The following EIF3K variants were observed in gnomAD, a reference collection of about 807,000 sequenced individuals.
The protein encoded by EIF3K is eIF-3 p28.
In EIF3K, 27 loss-of-function variants were observed where a neutral mutation model predicts 34.2. That is an observed-to-expected ratio of 0.79 (90% confidence interval 0.58 to 1.09). EIF3K has a LOEUF of 1.09. Among genes scored for constraint, EIF3K ranks in the 50% least tolerant of loss-of-function variants. The probability of loss-of-function intolerance (pLI) is 0.00; values close to 1 mark genes in which losing one functional copy is unlikely to be tolerated. For missense variants in EIF3K, 232 were observed against 275.4 expected (o/e 0.84, Z 1.11); for synonymous variants, 105 against 105.7 (o/e 0.99, Z 0.04).
At chr19:38,625,322 C>T (rs879539958) in intron 3 of EIF3K, among the ~76,000 whole-genome samples, 5 of 151,754 alleles carry the variant, frequency 3.3e-5, no homozygotes, top group Non-Finnish European at 5.9e-5. Flanking sequence ...CATGCTACCA[C>T]GCCCAGCTAA....
chr19:38,620,384 A>G lies in EIF3K; in HGVS notation c.107A>G (p.Gln36Arg). 6.2e-7 allele frequency: 1 copy of G among 1,614,098 alleles called. No homozygotes were observed. Among genetic ancestry groups the G allele is most frequent in the Non-Finnish European group, 8.5e-7 (1 of 1,179,996 alleles). Residue 36 changes from glutamine (Q) to arginine (R), a missense_variant, in exon 2 of 8, where the codon CAG becomes CGG. By Grantham distance (43) the Gln-to-Arg change is conservative. Transcript: ENST00000248342. ...ACCCTGGAGCGCTATGTAGAGACGCAGGCCAAGGAAAATGCCTATGATCTG... is the reference window on the plus strand; with the variant it reads ...ACCCTGGAGCGCTATGTAGAGACGCGGGCCAAGGAAAATGCCTATGATCTG... ...LATLERYVET[Q>R]AKENAYDLEA...
chr19:38,635,389 G>A (rs1383399806), intron 7 of EIF3K: 3 of 522,992 alleles, frequency 5.7e-6, no homozygotes, highest in African/African-American at 5.7e-5. Flanking sequence ...CCTCACAGGG[G>A]GTCTCTGCAC....
intron 6 of EIF3K, among the ~76,000 whole-genome samples, chr19:38,634,090 CTTTTTTTTTTTT>C (rs757394196): frequency 4.6e-5 from 4 of 86,036 alleles, no homozygotes; most frequent in Non-Finnish European, 6.6e-5. Context: ...TAAAAGCTAA[CTTTTTTTTTTTT>C]TTTTTTTTTT....
chr19:38,629,880 T>C (rs958601502), intron 4 of EIF3K, among the ~76,000 whole-genome samples: 1 of 152,118 alleles, frequency 6.6e-6, no homozygotes, highest in Non-Finnish European at 1.5e-5. Context: ...GCAGATTCTG[T>C]GTGGCCTAAT....
At chr19:38,626,236 T>A in intron 4 of EIF3K, 134 bp downstream of exon 4, 1 of 839,984 alleles carries the variant, frequency 1.2e-6, no homozygotes, top group Non-Finnish European at 2.0e-6. Context: ...TGTGTGTTTG[T>A]GGAATTATCA....
intron 3 of EIF3K, among the ~76,000 whole-genome samples, chr19:38,624,757 A>G (rs1282054049): frequency 6.6e-6 from 1 of 151,994 alleles, no homozygotes; most frequent in Non-Finnish European, 1.5e-5. Flanking sequence ...AAGAAGAGCC[A>G]GAGTAGGCAC....
At chr19:38,628,759 G>C (rs1234848618) in intron 4 of EIF3K, among the ~76,000 whole-genome samples, 1 of 151,940 alleles carries the variant, frequency 6.6e-6, no homozygotes, top group Non-Finnish European at 1.5e-5. Context: ...GGGAGGCGGA[G>C]ATTGCGGTGA....
Position 38,628,765 on chromosome 19 carries a change from G to A in EIF3K, c.354+2663G>A, listed in dbSNP as rs906031110. 2.6e-5 allele frequency among the ~76,000 whole-genome samples: 4 copies of A among 152,068 alleles called. No individual in the cohort carries two copies. In the East Asian group the frequency reaches 5.8e-4, roughly 22 times the overall value. Reference sequence around the variant, plus strand: ...CTTGAACCTGGGAGGCGGAGATTGCGGTGAGCCGAGATCATGCCATTGCAC... The same window carrying A: ...CTTGAACCTGGGAGGCGGAGATTGCAGTGAGCCGAGATCATGCCATTGCAC... On this transcript the variant is annotated intron_variant, in intron 4 of 7. Transcript: ENST00000248342.
At chr19:38,629,444 C>T (rs1008200320) in intron 4 of EIF3K, among the ~76,000 whole-genome samples, 12 of 152,136 alleles carry the variant, frequency 7.9e-5, no homozygotes, top group African/African-American at 2.2e-4. Flanking sequence ...AACAGGCCCA[C>T]GCCAACACGC....
intron 3 of EIF3K, among the ~76,000 whole-genome samples, chr19:38,624,724 T>C (rs966982927): frequency 1.5e-4 from 22 of 151,060 alleles, no homozygotes; most frequent in Admixed American, 1.3e-3. Flanking sequence ...GGTGACACAG[T>C]GAGACTCTGT....
At chr19:38,630,636 C>T (rs1042768415) in intron 4 of EIF3K, 1 of 151,842 alleles carries the variant, frequency 6.6e-6, no homozygotes, top group African/African-American at 2.4e-5. Context: ...AGCCACCACG[C>T]CCAGCCAGCC....
At position 38,624,150 on chromosome 19, in the gene EIF3K, CCGCACACAGA is replaced by C; in HGVS notation, c.234_243del (p.His79SerfsTer7). 6.2e-7 allele frequency: 1 copy of C among 1,614,218 alleles called. No individual in the cohort carries two copies. The highest frequency in any genetic ancestry group is 8.5e-7 in the Non-Finnish European group (1 of 1,180,032). On this transcript the variant is annotated frameshift_variant, in exon 3 of 8. Transcript: ENST00000248342. LOFTEE classifies it high-confidence loss of function. ...CCTGCTGAAGGCCCTCACCAACTTG[CCGCACACAGA>C]CTTCACCCTGTGCAAGTGCATGATC...
At chr19:38,634,090 CTT>C (rs757394196) in intron 6 of EIF3K, among the ~76,000 whole-genome samples, 1,354 of 85,858 alleles carry the variant, frequency 0.016, 14 homozygotes, top group African/African-American at 0.064. Context: ...TAAAAGCTAA[CTT>C]TTTTTTTTTT....
chr19:38,625,513 A>ATTTTTTTTT (rs1975930763), intron 3 of EIF3K, among the ~76,000 whole-genome samples: 2 of 127,548 alleles, frequency 1.6e-5, no homozygotes, highest in African/African-American at 7.4e-5. Context: ...TTTTGTTAAT[A>ATTTTTTTTT]TTTTCTTTTT....
chr19:38,634,045 G>A (rs987610018), intron 6 of EIF3K, among the ~76,000 whole-genome samples: 1 of 149,922 alleles, frequency 6.7e-6, no homozygotes, highest in African/African-American at 2.4e-5. Flanking sequence ...CCAAAGTACT[G>A]GGATTACAGG....
At chr19:38,630,190 G>T (rs555085736) in intron 4 of EIF3K, among the ~76,000 whole-genome samples, 1 of 150,670 alleles carries the variant, frequency 6.6e-6, no homozygotes, top group African/African-American at 2.4e-5. Flanking sequence ...GTATGGCTCT[G>T]TCGCCCAGGC....
At chr19:38,619,586 C>A (rs1014760720) in intron 1 of EIF3K, among the ~76,000 whole-genome samples, 1 of 152,254 alleles carries the variant, frequency 6.6e-6, no homozygotes, top group Non-Finnish European at 1.5e-5. Context: ...ACAGCCAAAC[C>A]CCGTCTCTAA....
chr19:38,633,032 C>T, intron 6 of EIF3K: 1 of 240,366 alleles, frequency 4.2e-6, no homozygotes, highest in Non-Finnish European at 8.1e-6. Context: ...GAAAGCAAGA[C>T]AGCTCACAGA....
At chr19:38,619,504 G>A (rs1378926051) in intron 1 of EIF3K, among the ~76,000 whole-genome samples, 177 bp downstream of exon 1, 1 of 152,188 alleles carries the variant, frequency 6.6e-6, no homozygotes, top group Non-Finnish European at 1.5e-5. Context: ...GCTCACGCCT[G>A]TGATCCTAGC....
Sources: allele counts gnomAD v4.1 joint callset (sites outside exome capture counted in the v4.1 genomes callset), GRCh38; gene constraint gnomAD v4.1.1; transcripts MANE v1.5; gene names NCBI Gene and HGNC (gene_info 2026-07-23, HGNC 2026-07-21).